OR1B1: variants seen among roughly 807,000 people sequenced by gnomAD.
OR1B1 encodes olfactory receptor 1B1.
For missense variants in OR1B1, 414 were observed against 402.1 expected (o/e 1.03, Z -0.25); for synonymous variants, 168 against 156.2 (o/e 1.08, Z -0.57).
the OR1B1 span, chr9:122,637,385 T>TC: frequency 6.6e-6 from 1 of 152,204 alleles, no homozygotes; most frequent in Non-Finnish European, 1.5e-5. Context: ...CCCTGTCTGA[T>TC]CCCTTAGAGC....
At chr9:122,633,604 AAATAAT>A (rs911473606), upstream of OR1B1, among the ~76,000 whole-genome samples, 59 of 152,000 alleles carry the variant, frequency 3.9e-4, no homozygotes, top group Middle Eastern at 3.4e-3. Flanking sequence ...CTCAATAGCA[AAATAAT>A]AATAATAATA....
chr9:122,649,517 A>C, the OR1B1 span, among the ~76,000 whole-genome samples: 11 of 152,238 alleles, frequency 7.2e-5, no homozygotes, highest in African/African-American at 2.7e-4. Flanking sequence ...ACAAAGGGCT[A>C]ATATCCAGAA....
chr9:122,634,607 G>C, the OR1B1 span, among the ~76,000 whole-genome samples: 1 of 151,980 alleles, frequency 6.6e-6, no homozygotes, highest in Non-Finnish European at 1.5e-5. Flanking sequence ...AACAGCATGG[G>C]GGAAACCACC....
the OR1B1 span, among the ~76,000 whole-genome samples, chr9:122,645,435 G>T: frequency 6.6e-6 from 1 of 151,924 alleles, no homozygotes; most frequent in Non-Finnish European, 1.5e-5. Context: ...GTACAAGAAG[G>T]TTATAGAACA....
chr9:122,648,167 C>T, the OR1B1 span, among the ~76,000 whole-genome samples: 1,296 of 152,206 alleles, frequency 8.5e-3, 20 homozygotes, highest in African/African-American at 0.029. Context: ...CAATAAAATA[C>T]TGGCAAAATA....
the OR1B1 span, among the ~76,000 whole-genome samples, chr9:122,649,564 C>T: frequency 6.6e-6 from 1 of 151,878 alleles, no homozygotes; most frequent in Non-Finnish European, 1.5e-5. Flanking sequence ...AAGAAAAAAA[C>T]AACCCCATCA....
chr9:122,645,188 G>A, the OR1B1 span, among the ~76,000 whole-genome samples: 1 of 152,016 alleles, frequency 6.6e-6, no homozygotes, highest in South Asian at 2.1e-4. Context: ...AACTGATCAA[G>A]CAGAACAAAG....
At chr9:122,655,354 G>A in the OR1B1 span, among the ~76,000 whole-genome samples, 2,055 of 152,066 alleles carry the variant, frequency 0.014, 17 homozygotes, top group African/African-American at 0.017. Flanking sequence ...TCCTATTACC[G>A]GCTCCTTGAA....
chr9:122,652,858 G>A, the OR1B1 span, among the ~76,000 whole-genome samples: 1 of 152,070 alleles, frequency 6.6e-6, no homozygotes, highest in African/African-American at 2.4e-5. Context: ...TCATCTCTTG[G>A]TTCTTCAACT....
chr9:122,650,414 A>T, the OR1B1 span, among the ~76,000 whole-genome samples: 557 of 144,048 alleles, frequency 3.9e-3, 2 homozygotes, highest in African/African-American at 0.013. Context: ...AATGAAAATT[A>T]AAAAAATATA....
the OR1B1 span, among the ~76,000 whole-genome samples, chr9:122,636,756 T>C: frequency 6.6e-6 from 1 of 152,220 alleles, no homozygotes; most frequent in Non-Finnish European, 1.5e-5. Flanking sequence ...GATTTTCTAC[T>C]AAAGGGCAGT....
the OR1B1 span, among the ~76,000 whole-genome samples, chr9:122,653,500 A>G: frequency 2.4e-4 from 36 of 152,320 alleles, no homozygotes; most frequent in Admixed American, 4.6e-4. Flanking sequence ...AGATTGACAC[A>G]TGGTAAATAC....
chr9:122,656,365 T>C, the OR1B1 span, among the ~76,000 whole-genome samples: 1 of 152,188 alleles, frequency 6.6e-6, no homozygotes, highest in Non-Finnish European at 1.5e-5. Context: ...CACTACGACG[T>C]ATTGGGAGAT....
chr9:122,645,172 T>C, the OR1B1 span, among the ~76,000 whole-genome samples: 5 of 152,026 alleles, frequency 3.3e-5, no homozygotes, highest in Non-Finnish European at 7.4e-5. Flanking sequence ...AGTGTCTTAA[T>C]AGCAGAACTG....
the OR1B1 span, among the ~76,000 whole-genome samples, chr9:122,656,970 T>C: frequency 6.6e-6 from 1 of 152,176 alleles, no homozygotes; most frequent in African/African-American, 2.4e-5. Context: ...GATTTTTTTC[T>C]TTAAAAGTTA....
the OR1B1 span, among the ~76,000 whole-genome samples, chr9:122,638,004 A>G: frequency 6.6e-6 from 1 of 152,224 alleles, no homozygotes; most frequent in African/African-American, 2.4e-5. Context: ...AGCATTTGAA[A>G]TCAAAACAAC....
At chr9:122,645,102 A>G in the OR1B1 span, among the ~76,000 whole-genome samples, 1 of 152,250 alleles carries the variant, frequency 6.6e-6, no homozygotes, top group Admixed American at 6.5e-5. Context: ...ATAATTTAAA[A>G]TAATCAAGCA....
upstream of OR1B1, among the ~76,000 whole-genome samples, chr9:122,631,216 G>A (rs565763283): frequency 6.7e-5 from 10 of 149,830 alleles, no homozygotes; most frequent in East Asian, 1.2e-3. Flanking sequence ...TCGTTCTGTC[G>A]CCCAGGCTGG....
At chr9:122,653,260 A>G in the OR1B1 span, among the ~76,000 whole-genome samples, 52 of 152,334 alleles carry the variant, frequency 3.4e-4, no homozygotes, top group African/African-American at 9.6e-4. Flanking sequence ...TGTTCATTTC[A>G]GGCTCACAGT....
Sources: gnomAD v4.1 joint callset for allele counts (sites outside exome capture counted in the v4.1 genomes callset) on GRCh38, gnomAD v4.1.1 for gene constraint, MANE v1.5 for transcripts, NCBI Gene and HGNC (gene_info 2026-07-23, HGNC 2026-07-21) for gene names.